Variants in STPG2 observed in about 807,000 individuals in gnomAD.
STPG2 encodes sperm tail PG-rich repeat containing 2.
A neutral mutation model predicts 54.2 loss-of-function variants in STPG2; 56 were observed. That is an observed-to-expected ratio of 1.03 (90% CI 0.83 to 1.29). STPG2 has a LOEUF of 1.29. Ranked by LOEUF, STPG2 falls within the 50% of genes most tolerant of loss-of-function variation. STPG2 has a pLI of 0.00. For synonymous variants in STPG2, 200 were observed against 181.8 expected (o/e 1.10, Z -0.81); for missense variants, 596 against 544.9 (o/e 1.09, Z -0.93).
intron 10 of STPG2, among the ~76,000 whole-genome samples, chr4:97,621,879 C>A (rs1222253762): frequency 6.6e-6 from 1 of 152,098 alleles, no homozygotes; most frequent in Non-Finnish European, 1.5e-5. Flanking sequence ...AAACCTTCAA[C>A]AAAATACTAG....
intron 8 of STPG2, among the ~76,000 whole-genome samples, chr4:97,942,570 A>C (rs1733030219): frequency 1.3e-5 from 2 of 152,070 alleles, no homozygotes; most frequent in Non-Finnish European, 2.9e-5. Flanking sequence ...AGATTCCAAT[A>C]ATGCCTCAGA....
chr4:97,701,662 T>C (rs1723778890), intron 10 of STPG2, among the ~76,000 whole-genome samples: 1 of 152,208 alleles, frequency 6.6e-6, no homozygotes, highest in Admixed American at 6.5e-5. Flanking sequence ...ATTAGTCTTT[T>C]GTCCATTCAA....
At chr4:98,055,443 A>T (rs1188569682) in intron 5 of STPG2, among the ~76,000 whole-genome samples, 1 of 152,166 alleles carries the variant, frequency 6.6e-6, no homozygotes. Flanking sequence ...GGAACCCCAC[A>T]TGGGCTAAGA....
chr4:97,453,618 G>A (rs896783727), intron 4 of STPG2, among the ~76,000 whole-genome samples: 5 of 152,130 alleles, frequency 3.3e-5, no homozygotes, highest in Non-Finnish European at 1.5e-5. Flanking sequence ...CTGAAAGGAG[G>A]GTAAGAGAGT....
chr4:97,956,303 T>C (rs1235638820), intron 7 of STPG2, among the ~76,000 whole-genome samples: 1 of 152,048 alleles, frequency 6.6e-6, no homozygotes, highest in Non-Finnish European at 1.5e-5. Context: ...AAATGTAATA[T>C]TGATGAAATG....
At chr4:97,651,516 T>C (rs950574826) in intron 10 of STPG2, among the ~76,000 whole-genome samples, 1 of 152,070 alleles carries the variant, frequency 6.6e-6, no homozygotes, top group Non-Finnish European at 1.5e-5. Context: ...AGAATTTGAA[T>C]TGAACTTAAA....
chr4:97,826,098 T>C (rs1728251900), intron 9 of STPG2, among the ~76,000 whole-genome samples: 2 of 152,294 alleles, frequency 1.3e-5, no homozygotes, highest in East Asian at 1.9e-4. Context: ...TCTACACTTC[T>C]GTCTGATGTC....
chr4:98,119,192 A>G (rs1560687857), intron 3 of STPG2, among the ~76,000 whole-genome samples: 1 of 152,106 alleles, frequency 6.6e-6, no homozygotes, highest in Non-Finnish European at 1.5e-5. Context: ...TAAAACTAGA[A>G]GTCACCACCT....
At chr4:98,027,961 T>C (rs1324446009) in intron 5 of STPG2, among the ~76,000 whole-genome samples, 1 of 152,200 alleles carries the variant, frequency 6.6e-6, no homozygotes, top group Non-Finnish European at 1.5e-5. Context: ...TTGAGTCTCC[T>C]ACATCTGTCA....
chr4:97,447,786 G>C (rs1729263155), intron 4 of STPG2, among the ~76,000 whole-genome samples: 1 of 152,224 alleles, frequency 6.6e-6, no homozygotes, highest in Admixed American at 6.5e-5. Flanking sequence ...ATCTCTGCTA[G>C]AGCAGTGTGG....
In STPG2 at chr4:97,828,290, G is replaced by C. The variant is rs2149109804; in HGVS notation, c.1204+12483C>G. Among the ~76,000 whole-genome samples the C allele has an allele frequency of 2.0e-5, 3 of 152,258 alleles. 1 individual carries two copies. The Middle Eastern group carries it at 0.01, about 518-fold the overall frequency. ...TCACCCAGGAAGTGCAAGGGGTTGA[G>C]GAATTCTCTCCTGAACTCAAGGGAA... is the stretch of plus-strand genomic sequence containing the variant. On this transcript the variant is annotated intron_variant, in intron 9 of 10. Transcript: ENST00000295268.
intron 5 of STPG2, among the ~76,000 whole-genome samples, chr4:98,013,797 GT>G (rs1735836887): frequency 6.6e-6 from 1 of 151,800 alleles, no homozygotes; most frequent in South Asian, 2.1e-4. Context: ...TTGTATTTCT[GT>G]GGGGTCAGTG....
chr4:97,898,217 T>C (rs1240561090), intron 8 of STPG2, among the ~76,000 whole-genome samples: 3 of 152,124 alleles, frequency 2.0e-5, no homozygotes, highest in Non-Finnish European at 2.9e-5. Context: ...TGGTTGTAGG[T>C]ATCCAGACTT....
At chr4:97,505,477 G>T (rs1473154533) in intron 4 of STPG2, among the ~76,000 whole-genome samples, 1 of 151,798 alleles carries the variant, frequency 6.6e-6, no homozygotes, top group East Asian at 1.9e-4. Context: ...AAGGAAAGAG[G>T]GACTCAGATA....
chr4:98,109,462 G>C (rs566152327), intron 3 of STPG2, among the ~76,000 whole-genome samples, 157 bp from the exon 4 acceptor site: 1 of 152,274 alleles, frequency 6.6e-6, no homozygotes, highest in Admixed American at 6.5e-5. Flanking sequence ...ATAGATCCCA[G>C]GCTAAGTTGT....
intron 5 of STPG2, among the ~76,000 whole-genome samples, chr4:98,066,734 T>C (rs899897378): frequency 1.3e-5 from 2 of 152,198 alleles, no homozygotes; most frequent in Non-Finnish European, 2.9e-5. Flanking sequence ...GAGCAACTAC[T>C]GTTGTTTGTG....
At chr4:97,867,506 G>C (rs1455433976) in intron 8 of STPG2, among the ~76,000 whole-genome samples, 1 of 151,864 alleles carries the variant, frequency 6.6e-6, no homozygotes, top group East Asian at 1.9e-4. Context: ...ATTATCTCTA[G>C]TATATTTTAG....
chr4:97,970,777 A>C (rs975674227), intron 7 of STPG2, among the ~76,000 whole-genome samples: 2 of 152,214 alleles, frequency 1.3e-5, no homozygotes, highest in Non-Finnish European at 2.9e-5. Context: ...AAAACACCAA[A>C]AGCAATGGCA....
At chr4:98,012,878 C>T (rs936565248) in intron 5 of STPG2, among the ~76,000 whole-genome samples, 1 of 152,160 alleles carries the variant, frequency 6.6e-6, no homozygotes, top group Non-Finnish European at 1.5e-5. Flanking sequence ...TCTAAATATA[C>T]AAGCATGTCA....
Sources: allele counts gnomAD v4.1 joint callset (sites outside exome capture counted in the v4.1 genomes callset), GRCh38; gene constraint gnomAD v4.1.1; transcripts MANE v1.5; gene names NCBI Gene and HGNC (gene_info 2026-07-23, HGNC 2026-07-21).